The following CSMD1 variants were observed in gnomAD, a reference collection of about 807,000 sequenced individuals.
The protein encoded by CSMD1 is CUB and sushi domain-containing protein 1.
CSMD1 carries 213 observed loss-of-function variants against 417.5 expected under a neutral mutation model. That is an observed-to-expected ratio of 0.51 (90% CI 0.46 to 0.57). The LOEUF (loss-of-function observed/expected upper bound fraction) is 0.57. Ranked by LOEUF, CSMD1 falls within the 20% of genes least tolerant of loss-of-function variation. The probability of loss-of-function intolerance (pLI) is 0.00; values close to 1 mark genes in which losing one functional copy is unlikely to be tolerated. For synonymous variants in CSMD1, 2,862 were observed against 1,736.8 expected (o/e 1.65, Z -16.11); for missense variants, 6,923 against 4,529.7 (o/e 1.53, Z -15.17).
chr8:3,959,210 A>G (rs991014741), intron 5 of CSMD1, among the ~76,000 whole-genome samples: 1 of 152,232 alleles, frequency 6.6e-6, no homozygotes, highest in Non-Finnish European at 1.5e-5. Flanking sequence ...AAATTCTTAT[A>G]GTTTCTAGAC....
chr8:4,949,793 A>G (rs1808615746), intron 1 of CSMD1, among the ~76,000 whole-genome samples: 1 of 152,204 alleles, frequency 6.6e-6, no homozygotes, highest in Non-Finnish European at 1.5e-5. Context: ...TTTCCTAAAC[A>G]TGTACTCGAA....
rs1202575169 is a variant in CSMD1 at position 4,866,053 on chromosome 8, CA to C, written c.85+128278del. Among the ~76,000 whole-genome samples the C allele has an allele frequency of 3.7e-4, 57 of 152,020 alleles. 1 individual carries two copies. The highest frequency in any genetic ancestry group is 1.3e-3 in the African/African-American group (55 of 41,442). The stretch of plus-strand genomic sequence containing the variant: ...TCATATTAAGTCTCTCAGTTTTTGA[CA>C]CCTTAATGGTTCTGTGCCTATGTGA... On this transcript the variant is annotated intron_variant, in intron 1 of 69. Transcript: ENST00000635120.
At chr8:4,225,183 A>G (rs1295370335) in intron 3 of CSMD1, among the ~76,000 whole-genome samples, 2 of 152,234 alleles carry the variant, frequency 1.3e-5, no homozygotes, top group Non-Finnish European at 2.9e-5. Context: ...ATTTCAGGAC[A>G]CATGGCAACT....
chr8:2,938,515 G>A lies in CSMD1; in HGVS notation c.*70C>T. 1 of 1,449,022 alleles carries A rather than the reference G, an allele frequency of 6.9e-7. No homozygotes were observed. The highest frequency in any genetic ancestry group is 9.4e-7 in the Non-Finnish European group (1 of 1,062,528). 89.8% of individuals were successfully genotyped at this position (1,449,022 alleles called of 1,614,324 possible). On this transcript the variant is annotated 3_prime_UTR_variant, in exon 70 of 70. Transcript: ENST00000635120. ...CAGAGTGGAAGGGAGAGTGGTATAT[G>A]GCACCAAAGGAATCACTGCTTGTCC...
chr8:2,963,459 C>T (rs893109531), intron 59 of CSMD1, 64 bp from the exon 60 acceptor site: 15 of 1,510,460 alleles, frequency 9.9e-6, no homozygotes, highest in African/African-American at 1.4e-5. Flanking sequence ...GATGTTCAAA[C>T]GATTCCCATT....
At chr8:4,566,629 G>A (rs1489466525) in intron 2 of CSMD1, among the ~76,000 whole-genome samples, 2 of 139,676 alleles carry the variant, frequency 1.4e-5, no homozygotes, top group African/African-American at 2.7e-5. Flanking sequence ...CTCCAGCCTG[G>A]GTGACAGAGG....
intron 10 of CSMD1, among the ~76,000 whole-genome samples, chr8:3,534,112 A>C (rs751141332): frequency 6.6e-6 from 1 of 152,156 alleles, no homozygotes; most frequent in African/African-American, 2.4e-5. Flanking sequence ...GAGAGCCCAT[A>C]TTCCCCGCTC....
At chr8:3,868,051 T>C (rs1047605956) in intron 5 of CSMD1, among the ~76,000 whole-genome samples, 2 of 152,136 alleles carry the variant, frequency 1.3e-5, no homozygotes, top group Admixed American at 1.3e-4. Flanking sequence ...CCCTGATCTG[T>C]CCCTATCACC....
intron 56 of CSMD1, 112 bp from the exon 57 acceptor site, chr8:2,973,411 T>C (rs1804634565): frequency 9.6e-7 from 1 of 1,039,086 alleles, no homozygotes; most frequent in South Asian, 1.6e-5. Flanking sequence ...TTCACATGAG[T>C]TATGGTTACA....
chr8:3,264,460 A>C (rs1457556870), intron 26 of CSMD1, among the ~76,000 whole-genome samples: 1 of 152,156 alleles, frequency 6.6e-6, no homozygotes, highest in African/African-American at 2.4e-5. Flanking sequence ...TGTCAGTTTG[A>C]ATCGAGTGAG....
At chr8:3,433,593 T>C (rs1325286147) in intron 12 of CSMD1, among the ~76,000 whole-genome samples, 1 of 152,136 alleles carries the variant, frequency 6.6e-6, no homozygotes, top group East Asian at 1.9e-4. Context: ...CGTGCCACAC[T>C]CTAGTGCTGA....
intron 39 of CSMD1, among the ~76,000 whole-genome samples, chr8:3,155,241 GGGAAGGCTCTTCATTTA>G (rs1374827390): frequency 4.0e-5 from 6 of 151,664 alleles, no homozygotes; most frequent in African/African-American, 4.8e-5. Context: ...CTGACTTTTA[GGGAAGGCTCTTCATTTA>G]AAAATAAATA....
chr8:3,696,133 G>C (rs966492178), intron 7 of CSMD1, among the ~76,000 whole-genome samples: 1 of 152,158 alleles, frequency 6.6e-6, no homozygotes, highest in Admixed American at 6.5e-5. Context: ...TGAAGCCATG[G>C]TTTTCCCAGA....
intron 2 of CSMD1, among the ~76,000 whole-genome samples, chr8:4,573,597 G>T (rs1478124352): frequency 6.6e-6 from 1 of 152,054 alleles, no homozygotes; most frequent in Non-Finnish European, 1.5e-5. Flanking sequence ...GAGGTATGGG[G>T]GTCAGGGTCC....
At chr8:4,285,444 A>G (rs1797008349) in intron 3 of CSMD1, among the ~76,000 whole-genome samples, 3 of 152,222 alleles carry the variant, frequency 2.0e-5, no homozygotes, top group Admixed American at 2.0e-4. Context: ...AGACAAGGGT[A>G]TTAGTTCAGA....
intron 7 of CSMD1, among the ~76,000 whole-genome samples, chr8:3,694,223 G>C (rs1188500024): frequency 6.6e-6 from 1 of 152,070 alleles, no homozygotes; most frequent in African/African-American, 2.4e-5. Context: ...CTGAAACCCA[G>C]GGAGGCCATA....
chr8:3,108,654 T>G lies in CSMD1; in HGVS notation c.6703A>C (p.Lys2235Gln), dbSNP rs746975182. ...CCATTTGAAAAGTCGCTGTGGAACT[T>G]GAGCAGGACTTGGTTGGTGGAGCTA... ...AYSSTNQVLL[K>Q]FHSDFSNGGF... The change falls in exon 44 of 70, where the codon AAG (lysine) becomes CAG (glutamine). Residue 2235 changes from lysine (K) to glutamine (Q), a missense_variant. Coordinates refer to ENST00000635120, the MANE Select transcript of CSMD1 (RefSeq NM_033225.6). 1 of 1,613,778 alleles carries G rather than the reference T, an allele frequency of 6.2e-7. No individual in the cohort carries two copies. Among genetic ancestry groups the G allele is most frequent in the Non-Finnish European group, 8.5e-7 (1 of 1,179,838 alleles).
intron 10 of CSMD1, among the ~76,000 whole-genome samples, chr8:3,509,839 G>A (rs1327487127): frequency 1.3e-5 from 2 of 152,076 alleles, no homozygotes; most frequent in African/African-American, 4.8e-5. Context: ...AGCTGTTCAG[G>A]AAGCAATTAT....
chr8:3,727,670 G>C (rs1432337925), intron 6 of CSMD1, among the ~76,000 whole-genome samples: 1 of 152,142 alleles, frequency 6.6e-6, no homozygotes, highest in Non-Finnish European at 1.5e-5. Context: ...TTACACTCAA[G>C]TTTAAAACAG....
Sources: gnomAD v4.1 joint callset for allele counts (sites outside exome capture counted in the v4.1 genomes callset) on GRCh38, gnomAD v4.1.1 for gene constraint, MANE v1.5 for transcripts, NCBI Gene and HGNC (gene_info 2026-07-23, HGNC 2026-07-21) for gene names.